Variants in NCOA1 observed in about 807,000 individuals in gnomAD.
NCOA1 encodes nuclear receptor coactivator 1.
In NCOA1, 35 loss-of-function variants were observed where a neutral mutation model predicts 150.9. The ratio of observed to expected loss-of-function variants is 0.23; its 90% CI spans 0.18 to 0.31. NCOA1 has a LOEUF of 0.31. Among genes scored for constraint, NCOA1 ranks in the 10% least tolerant of loss-of-function variants. The probability of loss-of-function intolerance (pLI) is 1.00; values close to 1 mark genes in which losing one functional copy is unlikely to be tolerated. For missense variants in NCOA1, 1,491 were observed against 1,749.3 expected, an observed-to-expected ratio of 0.85 and a Z score of 2.63; for synonymous variants, 590 against 630.0, an observed-to-expected ratio of 0.94 and a Z score of 0.95.
chr2:24,763,967 A>G (rs948842843), intron 22 of NCOA1, among the ~76,000 whole-genome samples: 1 of 152,118 alleles, frequency 6.6e-6, no homozygotes, highest in Non-Finnish European at 1.5e-5. Flanking sequence ...GGATTATGCC[A>G]CAGATGGCAG....
intron 3 of NCOA1, among the ~76,000 whole-genome samples, chr2:24,592,380 G>GA (rs898610062): frequency 5.3e-5 from 8 of 151,990 alleles, no homozygotes; most frequent in Non-Finnish European, 8.8e-5. Context: ...AGCTTTGGGG[G>GA]ATCACTCTTG....
At chr2:24,744,171 A>T (rs1309234642) in intron 19 of NCOA1, among the ~76,000 whole-genome samples, 1 of 152,224 alleles carries the variant, frequency 6.6e-6, no homozygotes, top group Non-Finnish European at 1.5e-5. Flanking sequence ...CCATAATGGG[A>T]AAGATGTGTT....
chr2:24,716,464 C>G (rs1384951279), intron 14 of NCOA1, among the ~76,000 whole-genome samples: 1 of 152,036 alleles, frequency 6.6e-6, no homozygotes, highest in African/African-American at 2.4e-5. Context: ...ATAGTCATTT[C>G]AATACATGGT....
At chr2:24,637,696 G>GT (rs890980175) in intron 3 of NCOA1, among the ~76,000 whole-genome samples, 6 of 150,974 alleles carry the variant, frequency 4.0e-5, no homozygotes, top group African/African-American at 1.5e-4. Flanking sequence ...GTTTTGTTTT[G>GT]TTTTGTTTTG....
intron 1 of NCOA1, among the ~76,000 whole-genome samples, chr2:24,553,222 TTC>T (rs1321480622): frequency 1.2e-4 from 18 of 144,748 alleles, no homozygotes; most frequent in Non-Finnish European, 2.6e-4. Context: ...TTCAAATGCC[TTC>T]TTTTTTTTTT....
At chr2:24,515,259 G>A (rs1006980608) in intron 1 of NCOA1, among the ~76,000 whole-genome samples, 1 of 151,844 alleles carries the variant, frequency 6.6e-6, no homozygotes. Context: ...TTGAGACAGG[G>A]TCTGGGTCTG....
chr2:24,598,300 TA>T (rs1264662309), intron 3 of NCOA1, among the ~76,000 whole-genome samples: 1 of 152,086 alleles, frequency 6.6e-6, no homozygotes, highest in African/African-American at 2.4e-5. Context: ...AAATTAGCTA[TA>T]AAAAATTGAA....
At position 24,706,805 on chromosome 2, in the gene NCOA1, C is replaced by G. The variant is rs369622360; in HGVS notation, c.1335C>G (p.Pro445=). The G allele has an allele frequency of 6.2e-7, 1 of 1,614,030 alleles. No individual in the cohort carries two copies. Among genetic ancestry groups the G allele is most frequent in the African/African-American group, 1.3e-5 (1 of 74,898 alleles). Residue 445 remains proline, a synonymous_variant, in exon 13 of 23, where the codon CCC becomes CCG. Coordinates refer to ENST00000348332, the MANE Select transcript of NCOA1 (RefSeq NM_003743.5). ...SNSQGSFGCS[P]GSQIVANVAL... ...GCCAAGGAAGTTTCGGATGCTCACC[C>G]GGAAGTCAGATTGTAGCCAATGTTG...
chr2:24,525,733 G>A (rs1426541936), intron 1 of NCOA1, among the ~76,000 whole-genome samples: 1 of 151,928 alleles, frequency 6.6e-6, no homozygotes, highest in Admixed American at 6.6e-5. Flanking sequence ...ATTTTTAGTA[G>A]AGATGGGGTT....
chr2:24,700,084 G>A (rs1445447388), intron 11 of NCOA1, among the ~76,000 whole-genome samples: 4 of 151,414 alleles, frequency 2.6e-5, no homozygotes, highest in East Asian at 1.9e-4. Context: ...TGGAGGTTGC[G>A]GTGAGCCAAG....
At chr2:24,735,266 G>T (rs998696701) in intron 17 of NCOA1, among the ~76,000 whole-genome samples, 5 of 152,294 alleles carry the variant, frequency 3.3e-5, no homozygotes, top group African/African-American at 9.6e-5. Flanking sequence ...CAAAGGACTA[G>T]TGTCCAGAAT....
intron 1 of NCOA1, among the ~76,000 whole-genome samples, chr2:24,495,098 T>G (rs966919798): frequency 2.8e-5 from 4 of 140,786 alleles, no homozygotes; most frequent in Admixed American, 6.9e-5. Flanking sequence ...AGGTGTTTTT[T>G]TTTTGTTTTT....
At chr2:24,724,963 A>G (rs1431012376) in intron 14 of NCOA1, among the ~76,000 whole-genome samples, 7 of 151,954 alleles carry the variant, frequency 4.6e-5, no homozygotes, top group Non-Finnish European at 7.4e-5. Flanking sequence ...TTTGATTTCT[A>G]TATCATTTGT....
intron 3 of NCOA1, among the ~76,000 whole-genome samples, chr2:24,592,358 A>C (rs1667689806): frequency 6.6e-6 from 1 of 152,070 alleles, no homozygotes; most frequent in Non-Finnish European, 1.5e-5. Context: ...GTCCATAGTA[A>C]ATAACTAAAT....
chr2:24,642,309 A>G (rs1221125828), intron 3 of NCOA1, among the ~76,000 whole-genome samples: 1 of 142,680 alleles, frequency 7.0e-6, no homozygotes, highest in African/African-American at 2.6e-5. Context: ...TACCCATTAT[A>G]TGTATATAAA....
At chr2:24,513,326 T>C (rs1664013958) in intron 1 of NCOA1, among the ~76,000 whole-genome samples, 1 of 152,234 alleles carries the variant, frequency 6.6e-6, no homozygotes, top group Admixed American at 6.5e-5. Flanking sequence ...GTTATCTATA[T>C]ATAATGTAAT....
At chr2:24,672,458 A>G (rs1353007956) in intron 6 of NCOA1, among the ~76,000 whole-genome samples, 1 of 152,138 alleles carries the variant, frequency 6.6e-6, no homozygotes, top group Non-Finnish European at 1.5e-5. Flanking sequence ...GCAGTGGCAC[A>G]ATTATAGCCC....
At chr2:24,731,613 GA>G (rs938996577) in intron 17 of NCOA1, among the ~76,000 whole-genome samples, 1 of 152,000 alleles carries the variant, frequency 6.6e-6, no homozygotes, top group African/African-American at 2.4e-5. Flanking sequence ...ACAATAAAAG[GA>G]ATAATTTTTT....
At chr2:24,733,295 A>AT (rs946361050) in intron 17 of NCOA1, among the ~76,000 whole-genome samples, 2 of 152,168 alleles carry the variant, frequency 1.3e-5, no homozygotes, top group Non-Finnish European at 2.9e-5. Context: ...AACAGGTTGT[A>AT]TTTTTTGTGT....
Sources: gnomAD v4.1 joint callset for allele counts (sites outside exome capture counted in the v4.1 genomes callset) on GRCh38, gnomAD v4.1.1 for gene constraint, MANE v1.5 for transcripts, NCBI Gene and HGNC (gene_info 2026-07-23, HGNC 2026-07-21) for gene names.